SNTG1: variants seen among roughly 807,000 people sequenced by gnomAD.
SNTG1 encodes syntrophin gamma 1, also known as gamma-1-syntrophin.
A neutral mutation model predicts 74.7 loss-of-function variants in SNTG1; 39 were observed. That is an observed-to-expected ratio of 0.52 (90% CI 0.40 to 0.68). The LOEUF (loss-of-function observed/expected upper bound fraction) is 0.68. Ranked by LOEUF, SNTG1 falls within the 30% of genes least tolerant of loss-of-function variation. The pLI is 0.00. For synonymous variants in SNTG1, 254 were observed against 217.1 expected, an observed-to-expected ratio of 1.17 and a Z score of -1.49; for missense variants, 685 against 609.5, an observed-to-expected ratio of 1.12 and a Z score of -1.30.
intron 4 of SNTG1, among the ~76,000 whole-genome samples, chr8:50,421,053 G>GC (rs1491562818): frequency 1.4e-4 from 2 of 14,456 alleles, no homozygotes; most frequent in African/African-American, 4.1e-4. Context: ...GGGCGGGGGA[G>GC]GGGGGGGCGA....
chr8:50,441,494 G>A (rs1000824067), intron 5 of SNTG1, among the ~76,000 whole-genome samples: 28 of 152,204 alleles, frequency 1.8e-4, no homozygotes, highest in African/African-American at 6.5e-4. Context: ...AGACCACATT[G>A]AGGAGGGTTC....
chr8:50,394,026 G>C (rs1423465831), intron 2 of SNTG1, among the ~76,000 whole-genome samples, 186 bp from the exon 3 acceptor site: 2 of 152,122 alleles, frequency 1.3e-5, no homozygotes, highest in Non-Finnish European at 2.9e-5. Context: ...TAAAAGCTGG[G>C]GATTAAGACT....
chr8:49,982,129 G>T (rs1585759493), intron 1 of SNTG1, among the ~76,000 whole-genome samples: 2 of 152,050 alleles, frequency 1.3e-5, no homozygotes, highest in East Asian at 1.9e-4. Context: ...TGCTTTCCTA[G>T]TTCCACATGA....
chr8:50,598,405 T>C (rs2094746832), intron 13 of SNTG1, among the ~76,000 whole-genome samples: 1 of 152,046 alleles, frequency 6.6e-6, no homozygotes, highest in South Asian at 2.1e-4. Flanking sequence ...TATTGATTTA[T>C]TCTTAGGTTT....
At chr8:50,544,079 C>T (rs77647351) in intron 11 of SNTG1, among the ~76,000 whole-genome samples, 13 of 152,002 alleles carry the variant, frequency 8.6e-5, no homozygotes, top group African/African-American at 1.4e-4. Flanking sequence ...TCTCAACACA[C>T]GAGTTTTTGT....
intron 15 of SNTG1, among the ~76,000 whole-genome samples, chr8:50,675,578 T>C (rs1174933545): frequency 6.6e-6 from 1 of 152,116 alleles, no homozygotes; most frequent in Admixed American, 6.6e-5. Flanking sequence ...TTCTCCTGAA[T>C]ACAGCACACT....
chr8:50,785,478 C>A (rs10958119), intron 18 of SNTG1, among the ~76,000 whole-genome samples: 51,571 of 151,430 alleles, frequency 0.34, 8,948 homozygotes, highest in Middle Eastern at 0.44. Flanking sequence ...AAAGATAAAT[C>A]AATAATTGGA....
intron 2 of SNTG1, among the ~76,000 whole-genome samples, chr8:50,383,731 T>C (rs1250099040): frequency 2.6e-5 from 4 of 152,166 alleles, no homozygotes; most frequent in African/African-American, 9.7e-5. Flanking sequence ...CAGTTTTCCA[T>C]TGGCATGAAT....
chr8:50,232,324 T>C (rs1386396622), intron 2 of SNTG1, among the ~76,000 whole-genome samples: 1 of 151,446 alleles, frequency 6.6e-6, no homozygotes, highest in Non-Finnish European at 1.5e-5. Context: ...AATCCATTAT[T>C]TTATCAGGCT....
chr8:50,428,800 G>T (rs1204520949), intron 4 of SNTG1, among the ~76,000 whole-genome samples: 1 of 152,084 alleles, frequency 6.6e-6, no homozygotes, highest in Admixed American at 6.6e-5. Flanking sequence ...TCTTTAATTA[G>T]ATTTTTGTAA....
rs577688023 is a variant in SNTG1 at position 50,229,523 on chromosome 8, G to A, written c.-28+56888G>A. The stretch of plus-strand genomic sequence containing the variant: ...GGAAGATTATCAGGAATAATGATCC[G>A]TTTTACAAAGCAATTTAACAATCCT... On this transcript the variant is annotated intron_variant, in intron 2 of 18. Transcript: ENST00000642720. 1.7e-4 allele frequency among the ~76,000 whole-genome samples: 26 copies of A among 151,606 alleles called. No homozygotes were observed. In the South Asian group the frequency reaches 2.7e-3, roughly 16 times the overall value.
intron 2 of SNTG1, among the ~76,000 whole-genome samples, chr8:50,346,328 G>T (rs543087099): frequency 6.6e-6 from 1 of 152,256 alleles, no homozygotes; most frequent in East Asian, 1.9e-4. Flanking sequence ...GATCTTTGAT[G>T]TTACTGGTGG....
intron 1 of SNTG1, among the ~76,000 whole-genome samples, chr8:49,935,783 C>A (rs1283384141): frequency 6.6e-6 from 1 of 152,188 alleles, no homozygotes; most frequent in Non-Finnish European, 1.5e-5. Flanking sequence ...CAAAACCCAA[C>A]ACTGCAATTC....
At chr8:50,665,270 A>G (rs994128880) in intron 15 of SNTG1, among the ~76,000 whole-genome samples, 3 of 152,092 alleles carry the variant, frequency 2.0e-5, no homozygotes, top group Non-Finnish European at 2.9e-5. Context: ...TGTTATGCGG[A>G]AGGTGAAATA....
intron 13 of SNTG1, among the ~76,000 whole-genome samples, chr8:50,656,705 A>G (rs1340448277): frequency 6.6e-6 from 1 of 152,186 alleles, no homozygotes; most frequent in Non-Finnish European, 1.5e-5. Flanking sequence ...AGAAATTCTT[A>G]TGAGAGGTTT....
chr8:50,569,767 T>C (rs952136796), intron 12 of SNTG1, among the ~76,000 whole-genome samples: 12 of 152,256 alleles, frequency 7.9e-5, no homozygotes, highest in Middle Eastern at 3.4e-3. Context: ...CATTTCTGAG[T>C]CCTAAAGTCT....
chr8:50,380,442 T>A (rs1368934395), intron 2 of SNTG1, among the ~76,000 whole-genome samples: 1 of 152,234 alleles, frequency 6.6e-6, no homozygotes, highest in African/African-American at 2.4e-5. Context: ...TAGAGCAAAC[T>A]CTATAAATAG....
chr8:50,338,482 G>T (rs2091222218), intron 2 of SNTG1, among the ~76,000 whole-genome samples: 1 of 152,232 alleles, frequency 6.6e-6, no homozygotes, highest in East Asian at 1.9e-4. Flanking sequence ...TAATGAATTG[G>T]TAGTTTAAAC....
In SNTG1 at chr8:49,972,675, A is replaced by AC. The variant is rs1018607894; in HGVS notation, c.-103+60444_-103+60445insC. On this transcript the variant is annotated intron_variant, in intron 1 of 18. Transcript: ENST00000642720. ...GAACTCTAACAAATTTACAAGAAAA[A>AC]AAAACAACCCCATCAACAAGTGGGT... 2.2e-3 allele frequency among the ~76,000 whole-genome samples: 335 copies of AC among 151,432 alleles called. 1 individual carries two copies. The highest frequency in any genetic ancestry group is 4.4e-3 in the Admixed American group (67 of 15,222).
Sources: allele counts gnomAD v4.1 joint callset (sites outside exome capture counted in the v4.1 genomes callset), GRCh38; gene constraint gnomAD v4.1.1; transcripts MANE v1.5; gene names NCBI Gene and HGNC (gene_info 2026-07-23, HGNC 2026-07-21).